Variants in RBFOX1 observed in about 807,000 individuals in gnomAD.
RBFOX1 encodes RNA binding fox-1 homolog 1.
Under a neutral mutation model 57.7 loss-of-function variants are expected in RBFOX1, and 8 were observed. The observed-to-expected ratio is 0.14, with a 90% confidence interval of 0.08 to 0.25. RBFOX1 has a LOEUF of 0.25. RBFOX1 is among the 10% of genes least tolerant of loss of function. The pLI, the probability that RBFOX1 is intolerant of heterozygous loss-of-function variation, is 1.00. For missense variants in RBFOX1, 611 were observed against 548.5 expected, an observed-to-expected ratio of 1.11 and a Z score of -1.14; for synonymous variants, 326 against 222.4, an observed-to-expected ratio of 1.47 and a Z score of -4.15.
intron 4 of RBFOX1, among the ~76,000 whole-genome samples, chr16:7,422,509 T>C (rs1478107165): frequency 2.6e-5 from 4 of 152,164 alleles, no homozygotes; most frequent in Non-Finnish European, 1.5e-5. Flanking sequence ...TGGAATTGCT[T>C]GCACTCCGTG....
intron 3 of RBFOX1, among the ~76,000 whole-genome samples, chr16:5,693,279 C>A (rs1282796819): frequency 6.6e-5 from 10 of 151,926 alleles, no homozygotes; most frequent in Non-Finnish European, 8.8e-5. Flanking sequence ...GGCTTGGAAA[C>A]CATCCAAACT....
intron 1 of RBFOX1, among the ~76,000 whole-genome samples, chr16:5,401,841 A>G (rs79585488): frequency 0.069 from 10,074 of 146,012 alleles, 454 homozygotes; most frequent in East Asian, 0.12. Context: ...CCTCATCATC[A>G]TTTCTGTCTC....
intron 4 of RBFOX1, among the ~76,000 whole-genome samples, chr16:7,270,658 CCT>C (rs2095296059): frequency 6.6e-6 from 1 of 152,094 alleles, no homozygotes; most frequent in African/African-American, 2.4e-5. Flanking sequence ...ATTAGACAAA[CCT>C]CTACTATTCT....
intron 2 of RBFOX1, among the ~76,000 whole-genome samples, chr16:6,318,807 T>C (rs1374689801): frequency 6.6e-6 from 1 of 151,854 alleles, no homozygotes; most frequent in Non-Finnish European, 1.5e-5. Context: ...GCAGATATAA[T>C]TTTTTTTAAA....
At chr16:7,379,153 G>A (rs1256988045) in intron 4 of RBFOX1, among the ~76,000 whole-genome samples, 2 of 152,158 alleles carry the variant, frequency 1.3e-5, no homozygotes, top group Non-Finnish European at 2.9e-5. Flanking sequence ...AGTGGGGATA[G>A]CAGTAAACTC....
rs186504738 is a variant in RBFOX1 at position 7,029,381 on chromosome 16, G to A, written c.-15-22676G>A. Among the ~76,000 whole-genome samples, 267 of 150,882 alleles carry A rather than the reference G, an allele frequency of 1.8e-3. 3 individuals are homozygous for A. Among genetic ancestry groups the A allele is most frequent in the Non-Finnish European group, 3.1e-3 (211 of 67,794 alleles). On this transcript the variant is annotated intron_variant, in intron 3 of 15. Coordinates refer to ENST00000550418, the MANE Select transcript of RBFOX1 (RefSeq NM_018723.4). ...GGCCCTGATAGAAGAAAGCTGATGCGTCACACAGAAGAAACATGAGTCTTC... is the reference window on the plus strand; with the variant it reads ...GGCCCTGATAGAAGAAAGCTGATGCATCACACAGAAGAAACATGAGTCTTC...
At chr16:6,771,799 C>G (rs1455994955) in intron 3 of RBFOX1, among the ~76,000 whole-genome samples, 1 of 152,128 alleles carries the variant, frequency 6.6e-6, no homozygotes, top group Non-Finnish European at 1.5e-5. Flanking sequence ...GTTACCCAGC[C>G]TAAAGTGGCA....
chr16:7,417,987 C>G (rs547461311), intron 4 of RBFOX1, among the ~76,000 whole-genome samples: 1 of 152,102 alleles, frequency 6.6e-6, no homozygotes, highest in Non-Finnish European at 1.5e-5. Flanking sequence ...CACCCTCATC[C>G]CACAGATGGG....
At chr16:6,468,668 G>A (rs556987609) in intron 2 of RBFOX1, among the ~76,000 whole-genome samples, 5 of 151,970 alleles carry the variant, frequency 3.3e-5, no homozygotes, top group African/African-American at 1.2e-4. Context: ...TTGTGTGTGA[G>A]TTAGAACATT....
At chr16:5,275,688 C>T (rs2063123164) in intron 1 of RBFOX1, among the ~76,000 whole-genome samples, 1 of 152,032 alleles carries the variant, frequency 6.6e-6, no homozygotes, top group African/African-American at 2.4e-5. Context: ...AAAAACAATG[C>T]CAAAATTCAT....
chr16:5,989,880 A>ACACACACACACAC (rs33912010), intron 4 of RBFOX1, among the ~76,000 whole-genome samples: 1 of 127,212 alleles, frequency 7.9e-6, no homozygotes, highest in Non-Finnish European at 1.7e-5. Context: ...ACACACACAC[A>ACACACACACACAC]CCACCCCTGT....
At chr16:6,242,436 C>T (rs2097544603) in intron 1 of RBFOX1, among the ~76,000 whole-genome samples, 1 of 151,324 alleles carries the variant, frequency 6.6e-6, no homozygotes, top group Non-Finnish European at 1.5e-5. Context: ...ACTATGTTGC[C>T]CAGGCTGGTC....
chr16:7,073,672 C>G (rs750431841), intron 4 of RBFOX1, among the ~76,000 whole-genome samples: 3 of 151,852 alleles, frequency 2.0e-5, no homozygotes, highest in African/African-American at 4.8e-5. Context: ...GGCAAAACCC[C>G]TTCTCTACAA....
chr16:6,364,240 C>G (rs1245089279), intron 2 of RBFOX1, among the ~76,000 whole-genome samples: 1 of 152,220 alleles, frequency 6.6e-6, no homozygotes, highest in East Asian at 1.9e-4. Context: ...GCTTTCTCCA[C>G]ACAGTATAAA....
chr16:7,042,973 A>C (rs1178326143), intron 3 of RBFOX1, among the ~76,000 whole-genome samples: 1 of 152,202 alleles, frequency 6.6e-6, no homozygotes, highest in African/African-American at 2.4e-5. Context: ...CTTTCCTAGC[A>C]GCATAGTTAA....
intron 3 of RBFOX1, among the ~76,000 whole-genome samples, chr16:6,872,695 G>A (rs1432484774): frequency 1.3e-5 from 2 of 152,048 alleles, no homozygotes; most frequent in African/African-American, 2.4e-5. Context: ...TATAATCCAG[G>A]GTAAGCTAGA....
At chr16:6,027,664 T>A (rs1337348188) in intron 1 of RBFOX1, among the ~76,000 whole-genome samples, 1 of 152,240 alleles carries the variant, frequency 6.6e-6, no homozygotes, top group Non-Finnish European at 1.5e-5. Context: ...GGGCTGACTA[T>A]GATAATCATG....
chr16:6,931,604 A>T (rs2076574286), intron 3 of RBFOX1, among the ~76,000 whole-genome samples: 1 of 152,110 alleles, frequency 6.6e-6, no homozygotes, highest in South Asian at 2.1e-4. Flanking sequence ...ATCCCACCCC[A>T]CAACCACCAC....
chr16:6,193,666 A>T (rs1448487309), intron 1 of RBFOX1, among the ~76,000 whole-genome samples: 1 of 151,894 alleles, frequency 6.6e-6, no homozygotes, highest in African/African-American at 2.4e-5. Flanking sequence ...AATGCTAAAC[A>T]TTTTGAATTG....
Sources: allele counts gnomAD v4.1 joint callset (sites outside exome capture counted in the v4.1 genomes callset), GRCh38; gene constraint gnomAD v4.1.1; transcripts MANE v1.5; gene names NCBI Gene and HGNC (gene_info 2026-07-23, HGNC 2026-07-21).